PABIR2: variants seen among roughly 807,000 people sequenced by gnomAD.
PABIR2 encodes the protein family with sequence similarity 122B.
Under a neutral mutation model 22.8 loss-of-function variants are expected in PABIR2, and 7 were observed. That is an observed-to-expected ratio of 0.31 (90% confidence interval 0.17 to 0.58). The LOEUF (loss-of-function observed/expected upper bound fraction) is 0.58, where lower values mean the gene tolerates loss of function less well. PABIR2 is among the 20% of genes least tolerant of loss of function. PABIR2 has a pLI of 0.89. For synonymous variants in PABIR2, 67 were observed against 73.8 expected, an observed-to-expected ratio of 0.91 and a Z score of 0.47; for missense variants, 155 against 205.1, an observed-to-expected ratio of 0.76 and a Z score of 1.49.
rs375848806 is a variant in PABIR2, at chrX:134,785,957, T to C, written c.498-7A>G. The stretch of plus-strand genomic sequence containing the variant: ...TGGACTCTGACTTCTCCTGCTTTGA[T>C]GAAAAAACAAACAGGATAATGTGAA... On this transcript the variant is annotated splice_polypyrimidine_tract_variant and splice_region_variant and intron_variant, in intron 7 of 9. Coordinates refer to ENST00000343004, the MANE Select transcript of PABIR2 (RefSeq NM_001387468.1). 7.7e-5 allele frequency: 93 copies of C among 1,206,116 alleles called. 1 individual carries two copies. In the African/African-American group the frequency reaches 1.6e-3, roughly 21 times the overall value.
At position 134,796,394 on chromosome X, in the gene PABIR2, G is replaced by C; in HGVS notation, c.-189C>G. 2.5e-6 allele frequency: 1 copy of C among 404,610 alleles called. No individual in the cohort carries two copies. The allele number at this position is 404,610 out of a possible 1,213,427, so 33.3% of individuals were successfully genotyped here. On this transcript the variant is annotated 5_prime_UTR_variant, in exon 1 of 10. Coordinates refer to ENST00000343004, the MANE Select transcript of PABIR2 (RefSeq NM_001387468.1). ...AAAGTAGGAGAGGAGGAGGGAAGGA[G>C]GATGATGATGAGGAAGGGAGGATGA...
intron 1 of PABIR2, among the ~76,000 whole-genome samples, chrX:134,795,293 A>G (rs1404070324): frequency 9.0e-6 from 1 of 111,615 alleles, no homozygotes; most frequent in Non-Finnish European, 1.9e-5. Flanking sequence ...TTGTACTCTC[A>G]TCTCCTTTTT....
At chrX:134,794,886 G>A in intron 1 of PABIR2, among the ~76,000 whole-genome samples, 1 of 111,766 alleles carries the variant, frequency 8.9e-6, no homozygotes, top group African/African-American at 3.3e-5. Flanking sequence ...ACTGGGACCA[G>A]GCCTGGTCTC....
At position 134,789,080 on chromosome X, in the gene PABIR2, T is replaced by C; in HGVS notation, c.333+5A>G. ...GAAAACCAAACAGACATGAGCAAAC[T>C]TTACCAGGCTCAAGCTCTCATCCCA... On this transcript the variant is annotated splice_donor_5th_base_variant and intron_variant, in intron 5 of 9. Transcript: ENST00000343004. 8.3e-7 allele frequency: 1 copy of C among 1,211,698 alleles called. No homozygotes were observed. The highest frequency in any genetic ancestry group is 1.1e-6 in the Non-Finnish European group (1 of 895,429).
Position 134,773,244 on chromosome X carries a change from T to C in PABIR2, c.660-961A>G, listed in dbSNP as rs143421773. Reference sequence around the variant, plus strand: ...ATCCAGTAATAAGCTCTATGCTTTATATTTGCCCTGAATTCAATCATTCAC... The same window carrying C: ...ATCCAGTAATAAGCTCTATGCTTTACATTTGCCCTGAATTCAATCATTCAC... On this transcript the variant is annotated intron_variant, in intron 9 of 9. Coordinates refer to ENST00000343004, the MANE Select transcript of PABIR2 (RefSeq NM_001387468.1). Among the ~76,000 whole-genome samples, 974 of 110,191 alleles carry C rather than the reference T, an allele frequency of 8.8e-3. 10 individuals are homozygous for C. The highest frequency in any genetic ancestry group is 0.03 in the African/African-American group (904 of 30,297).
chrX:134,792,929 CA>C (rs2079590549), intron 2 of PABIR2, among the ~76,000 whole-genome samples: 1 of 112,324 alleles, frequency 8.9e-6, no homozygotes, highest in Non-Finnish European at 1.9e-5. Context: ...GGTGTACTAA[CA>C]GGCTCTTAGC....
At position 134,771,330 on chromosome X, in the gene PABIR2, A is replaced by G; in HGVS notation, c.*809T>C. 4 of 1,153,592 alleles carry G rather than the reference A, an allele frequency of 3.5e-6. No homozygotes were observed. Among genetic ancestry groups the G allele is most frequent in the Non-Finnish European group, 4.6e-6 (4 of 871,136 alleles). The stretch of plus-strand genomic sequence containing the variant: ...GCTCCACACATCTGGTCAAGGCAGG[A>G]ATTTCTTCTCCTTGATAACACCACC... On this transcript the variant is annotated 3_prime_UTR_variant, in exon 10 of 10. Coordinates refer to ENST00000343004, the MANE Select transcript of PABIR2 (RefSeq NM_001387468.1).
intron 2 of PABIR2, 134 bp from the exon 3 acceptor site, chrX:134,789,770 C>T (rs2079491944): frequency 1.9e-6 from 1 of 519,507 alleles, no homozygotes; most frequent in East Asian, 3.7e-5. Flanking sequence ...GATCACTGAA[C>T]GTTAATGCAC....
intron 2 of PABIR2, among the ~76,000 whole-genome samples, chrX:134,792,257 G>A (rs1236498592): frequency 5.4e-5 from 6 of 111,834 alleles, no homozygotes; most frequent in African/African-American, 1.3e-4. Flanking sequence ...ACAAAGAGCA[G>A]TGAGTCACCA....
intron 2 of PABIR2, among the ~76,000 whole-genome samples, chrX:134,790,588 G>A (rs2079517079): frequency 9.0e-6 from 1 of 111,609 alleles, no homozygotes; most frequent in African/African-American, 3.3e-5. Context: ...TGCCCAGGCT[G>A]GAATGCAATG....
chrX:134,772,539 CT>C (rs1406253277), intron 9 of PABIR2, among the ~76,000 whole-genome samples: 4 of 111,657 alleles, frequency 3.6e-5, no homozygotes, highest in Admixed American at 9.5e-5. Context: ...ATAAACGTTC[CT>C]CGTGACATGC....
In PABIR2 at chrX:134,771,306, C is replaced by T. The variant is rs892483241; in HGVS notation, c.*833G>A. ...ATAACTATTCATTCATTTGTAGATGCTCCACACATCTGGTCAAGGCAGGAA... is the reference window on the plus strand; with the variant it reads ...ATAACTATTCATTCATTTGTAGATGTTCCACACATCTGGTCAAGGCAGGAA... On this transcript the variant is annotated 3_prime_UTR_variant, in exon 10 of 10. Transcript: ENST00000343004. 4.3e-6 allele frequency: 5 copies of T among 1,151,399 alleles called. No individual in the cohort carries two copies. Among genetic ancestry groups the T allele is most frequent in the African/African-American group, 1.8e-5 (1 of 55,475 alleles). The allele number at this position is 1,151,399 out of a possible 1,213,427, so 94.9% of individuals were successfully genotyped here. A position where few individuals can be genotyped will look rare whatever the true frequency, so the allele number is the denominator to read the frequency against.
Position 134,796,498 on chromosome X carries a change from T to G in PABIR2, c.-293A>C, listed in dbSNP as rs1603097993. The G allele has an allele frequency of 3.3e-5, 7 of 210,204 alleles. No individual in the cohort carries two copies. Among genetic ancestry groups the G allele is most frequent in the East Asian group, 1.7e-4 (2 of 11,488 alleles). The allele number at this position is 210,204 out of a possible 1,213,427, so 17.3% of individuals were successfully genotyped here. On this transcript the variant is annotated 5_prime_UTR_variant, in exon 1 of 10. Transcript: ENST00000343004. Reference sequence around the variant, plus strand: ...AGGAAAAGGATGAAGGAAAGAAGGATGGAGGGAAAACAAGGATGGAGGGAG... The same window carrying G: ...AGGAAAAGGATGAAGGAAAGAAGGAGGGAGGGAAAACAAGGATGGAGGGAG...
In PABIR2 at chrX:134,796,219, G is replaced by A. The variant is rs1603096034; in HGVS notation, c.-14C>T. 4 of 1,190,202 alleles carry A rather than the reference G, an allele frequency of 3.4e-6. No homozygotes were observed. Among genetic ancestry groups the A allele is most frequent in the Non-Finnish European group, 4.6e-6 (4 of 878,041 alleles). ...CTCCTGAGCCATGTCAGACTTGCAG[G>A]CAGGCACAGCGGGCAGTGCTCAGCT... On this transcript the variant is annotated 5_prime_UTR_variant, in exon 1 of 10. Coordinates refer to ENST00000343004, the MANE Select transcript of PABIR2 (RefSeq NM_001387468.1).
intron 8 of PABIR2, 31 bp downstream of exon 8, chrX:134,785,855 C>T: frequency 4.3e-6 from 5 of 1,159,484 alleles, no homozygotes; most frequent in Non-Finnish European, 5.9e-6. Context: ...GACACAGTAG[C>T]ATTAGCTATA....
intron 9 of PABIR2, among the ~76,000 whole-genome samples, chrX:134,779,285 C>T (rs1475108068): frequency 9.0e-6 from 1 of 111,081 alleles, no homozygotes; most frequent in African/African-American, 3.3e-5. Context: ...AAAAATTAGC[C>T]GGGTATGGTG....
intron 2 of PABIR2, among the ~76,000 whole-genome samples, chrX:134,792,127 T>C (rs1277442589): frequency 7.1e-5 from 8 of 112,271 alleles, no homozygotes. Context: ...GTATATAGTG[T>C]AATTAATATT....
In PABIR2 at chrX:134,784,348, C is replaced by T. The variant is rs545796625; in HGVS notation, c.562+1538G>A. On this transcript the variant is annotated intron_variant, in intron 8 of 9. Transcript: ENST00000343004. ...GTGGTGGTGGTGGGTGCTTCTAATC[C>T]CAGCTACTCGGGAGACTGAGGCAAG... is the stretch of plus-strand genomic sequence containing the variant. 1.0e-4 allele frequency among the ~76,000 whole-genome samples: 11 copies of T among 109,500 alleles called. No homozygotes were observed. In the South Asian group the frequency reaches 4.4e-3, roughly 44 times the overall value.
At position 134,796,413 on chromosome X, in the gene PABIR2, A is replaced by AGGATGAT; in HGVS notation, c.-215_-209dup. On this transcript the variant is annotated 5_prime_UTR_variant, in exon 1 of 10. Coordinates refer to ENST00000343004, the MANE Select transcript of PABIR2 (RefSeq NM_001387468.1). Reference sequence around the variant, plus strand: ...GAAGGAGGATGATGATGAGGAAGGGAGGATGATGGTGAGGCAGGAGAGGAG... The same window carrying AGGATGAT: ...GAAGGAGGATGATGATGAGGAAGGGAGGATGATGGATGATGGTGAGGCAGGAGAGGAG... 2.6e-6 allele frequency: 1 copy of AGGATGAT among 388,835 alleles called. No homozygotes were observed. The highest frequency in any genetic ancestry group is 4.5e-6 in the Non-Finnish European group (1 of 223,031). The allele number at this position is 388,835 out of a possible 1,213,427, so 32.0% of individuals were successfully genotyped here.
Sources: allele counts gnomAD v4.1 joint callset (sites outside exome capture counted in the v4.1 genomes callset), GRCh38; gene constraint gnomAD v4.1.1; transcripts MANE v1.5; gene names NCBI Gene and HGNC (gene_info 2026-07-23, HGNC 2026-07-21).